RNFT2: variants seen among roughly 807,000 people sequenced by gnomAD.
RNFT2 encodes E3 ubiquitin-protein ligase RNFT2.
Under a neutral mutation model 53.0 loss-of-function variants are expected in RNFT2, and 36 were observed. That is an observed-to-expected ratio of 0.68 (90% confidence interval 0.52 to 0.90). The LOEUF is 0.90. Among genes scored for constraint, RNFT2 ranks in the 40% least tolerant of loss-of-function variants. The pLI, the probability that RNFT2 is intolerant of heterozygous loss-of-function variation, is 0.00. For missense variants in RNFT2, 514 were observed against 585.6 expected, an observed-to-expected ratio of 0.88 and a Z score of 1.26; for synonymous variants, 260 against 253.2, an observed-to-expected ratio of 1.03 and a Z score of -0.26.
At chr12:116,819,382 G>A (rs879642110) in intron 7 of RNFT2, among the ~76,000 whole-genome samples, 2 of 152,056 alleles carry the variant, frequency 1.3e-5, no homozygotes, top group Non-Finnish European at 2.9e-5. Context: ...CGGAGCCGGC[G>A]GCGCGCAGAG....
At chr12:116,754,343 A>T (rs1290332448) in intron 5 of RNFT2, among the ~76,000 whole-genome samples, 1 of 152,154 alleles carries the variant, frequency 6.6e-6, no homozygotes, top group Non-Finnish European at 1.5e-5. Context: ...GTATATATGT[A>T]TATACATATA....
intron 7 of RNFT2, among the ~76,000 whole-genome samples, chr12:116,794,486 T>C (rs1874392451): frequency 6.6e-6 from 1 of 150,676 alleles, no homozygotes; most frequent in South Asian, 2.1e-4. Context: ...CAATCCCAGC[T>C]ACGCGGGAGG....
intron 7 of RNFT2, among the ~76,000 whole-genome samples, chr12:116,816,870 A>G (rs1024662532): frequency 6.6e-6 from 1 of 152,236 alleles, no homozygotes; most frequent in Non-Finnish European, 1.5e-5. Flanking sequence ...TAAAAAGTAG[A>G]GAACTGCTAG....
chr12:116,849,878 C>T lies in RNFT2; in HGVS notation c.*430C>T, dbSNP rs1877829207. On this transcript the variant is annotated 3_prime_UTR_variant, in exon 11 of 11. Transcript: ENST00000257575. The stretch of plus-strand genomic sequence containing the variant: ...TTTTTTTTTAAAACAAGGTCTCGCT[C>T]TATCACCCAGGCTGGAGTGCAGTGG... 1.6e-5 allele frequency: 2 copies of T among 122,376 alleles called. No homozygotes were observed. The highest frequency in any genetic ancestry group is 4.6e-5 in the African/African-American group (1 of 21,550). The allele number at this position is 122,376 out of a possible 1,614,324, so 7.6% of individuals were successfully genotyped here.
In RNFT2 at chr12:116,849,418, C is replaced by T. The variant is rs775885886; in HGVS notation, c.1305C>T (p.Gly435=). ...ACACCCTGCGCTGCTGGAAGGACGG[C>T]GCCACGTCCGCACACTTCCAGGTGT... is the stretch of plus-strand genomic sequence containing the variant. ...AVDTLRCWKD[G]ATSAHFQVY The change falls in exon 11 of 11, where the codon GGC becomes GGT. Residue 435 remains glycine (G), a synonymous_variant. Transcript: ENST00000257575. The T allele has an allele frequency of 2.9e-5, 46 of 1,588,354 alleles. No homozygotes were observed. Among genetic ancestry groups the T allele is most frequent in the Non-Finnish European group, 3.0e-5 (35 of 1,171,164 alleles).
At chr12:116,761,114 G>A (rs10850710) in intron 5 of RNFT2, among the ~76,000 whole-genome samples, 9,555 of 151,964 alleles carry the variant, frequency 0.063, 808 homozygotes, top group African/African-American at 0.19. Context: ...GTCCCTTTAC[G>A]CCGCAGACAT....
intron 7 of RNFT2, among the ~76,000 whole-genome samples, chr12:116,810,825 TA>T (rs1406921078): frequency 6.6e-6 from 1 of 152,114 alleles, no homozygotes; most frequent in Non-Finnish European, 1.5e-5. Context: ...TCCATTGGGG[TA>T]GGGGGGACTA....
rs1875278285 is a variant in RNFT2, at chr12:116,809,779, TCTC to T, written c.883-24010_883-24008del. 2.0e-5 allele frequency among the ~76,000 whole-genome samples: 3 copies of T among 152,212 alleles called. No individual in the cohort carries two copies. In the South Asian group the frequency reaches 6.2e-4, roughly 32 times the overall value. On this transcript the variant is annotated intron_variant, in intron 7 of 10. Coordinates refer to ENST00000257575, the MANE Select transcript of RNFT2 (RefSeq NM_001382266.1). ...CCTCCACCTCCCGGGTTCAAGCTATTCTCCTGCCTCAGCCTCCTGAGTAGCTGG... is the reference window on the plus strand; with the variant it reads ...CCTCCACCTCCCGGGTTCAAGCTATTCTGCCTCAGCCTCCTGAGTAGCTGG...
At chr12:116,766,433 C>T in intron 5 of RNFT2, among the ~76,000 whole-genome samples, 1 of 152,084 alleles carries the variant, frequency 6.6e-6, no homozygotes, top group Non-Finnish European at 1.5e-5. Context: ...AAGGTAGATA[C>T]TAAGATATAC....
intron 7 of RNFT2, among the ~76,000 whole-genome samples, chr12:116,816,176 TA>T (rs1875654150): frequency 6.6e-6 from 1 of 152,184 alleles, no homozygotes; most frequent in African/African-American, 2.4e-5. Flanking sequence ...ATCAACATCT[TA>T]TAATTAGGCC....
At chr12:116,821,802 C>CTGTTTTTTTT (rs1876044144) in intron 7 of RNFT2, among the ~76,000 whole-genome samples, 1 of 43,926 alleles carries the variant, frequency 2.3e-5, no homozygotes, top group African/African-American at 1.0e-4. Context: ...CTACTTGTTT[C>CTGTTTTTTTT]TTTTTTTTTT....
rs1473340659 is a variant in RNFT2 at position 116,852,816 on chromosome 12, C to T, written c.*3368C>T. ...CTCCCTGTAGCCATCTCCAGGGTGA[C>T]GGAACCCAGTGTATTACCTGCTGGA... On this transcript the variant is annotated 3_prime_UTR_variant, in exon 11 of 11. Coordinates refer to ENST00000257575, the MANE Select transcript of RNFT2 (RefSeq NM_001382266.1). The T allele has an allele frequency of 8.8e-6, 10 of 1,133,110 alleles. No homozygotes were observed. Among genetic ancestry groups the T allele is most frequent in the African/African-American group, 7.6e-5 (5 of 65,502 alleles). The allele number at this position is 1,133,110 out of a possible 1,614,324, so 70.2% of individuals were successfully genotyped here. A position where few individuals can be genotyped will look rare whatever the true frequency, so the allele number is the denominator to read the frequency against.
At chr12:116,836,617 C>T (rs1355254364) in intron 10 of RNFT2, among the ~76,000 whole-genome samples, 1 of 152,106 alleles carries the variant, frequency 6.6e-6, no homozygotes, top group Non-Finnish European at 1.5e-5. Context: ...CTTGGTTTTT[C>T]TCATGTCTAA....
chr12:116,832,148 A>ATAT (rs56674314), intron 7 of RNFT2, among the ~76,000 whole-genome samples: 8,369 of 55,264 alleles, frequency 0.15, 867 homozygotes, highest in Admixed American at 0.23. Context: ...AAAAAAAAAA[A>ATAT]ATATATATAT....
intron 7 of RNFT2, among the ~76,000 whole-genome samples, chr12:116,833,294 A>G (rs1876778602): frequency 1.3e-5 from 2 of 152,132 alleles, no homozygotes; most frequent in South Asian, 4.1e-4. Context: ...TAGGAAGGAC[A>G]CGTATCTCCC....
intron 7 of RNFT2, among the ~76,000 whole-genome samples, chr12:116,818,942 A>C (rs1468760205): frequency 1.3e-5 from 2 of 152,210 alleles, no homozygotes; most frequent in Non-Finnish European, 2.9e-5. Flanking sequence ...TTTGGGGTAC[A>C]GGTAAGGAGA....
intron 7 of RNFT2, among the ~76,000 whole-genome samples, chr12:116,818,547 T>A (rs1295830227): frequency 6.6e-6 from 1 of 152,180 alleles, no homozygotes; most frequent in African/African-American, 2.4e-5. Flanking sequence ...AATCTGCTGC[T>A]GGCAAGTGAG....
At position 116,743,237 on chromosome 12, in the gene RNFT2, AAAAAAAAC is replaced by A. The variant is rs1329087183; in HGVS notation, c.83+2144_83+2151del. ...CTAAAAAAAAAAAAAAAAAAAAAAA[AAAAAAAAC>A]CGGTTAAAAAACACTCATGAGCTAG... On this transcript the variant is annotated intron_variant, in intron 3 of 10. Transcript: ENST00000257575. Among the ~76,000 whole-genome samples the A allele has an allele frequency of 4.6e-3, 520 of 113,154 alleles. 82 individuals carry two copies. The highest frequency in any genetic ancestry group is 0.012 in the African/African-American group (387 of 32,066). The allele number at this position is 113,154 out of a possible 152,430, so 74.2% of individuals were successfully genotyped here. A position where few individuals can be genotyped will look rare whatever the true frequency, so the allele number is the denominator to read the frequency against.
chr12:116,838,330 C>T (rs1184831605), intron 10 of RNFT2, among the ~76,000 whole-genome samples: 1 of 152,222 alleles, frequency 6.6e-6, no homozygotes, highest in African/African-American at 2.4e-5. Flanking sequence ...GCTCCTGGCA[C>T]GTGGTCAGGG....
Sources: gnomAD v4.1 joint callset for allele counts (sites outside exome capture counted in the v4.1 genomes callset) on GRCh38, gnomAD v4.1.1 for gene constraint, MANE v1.5 for transcripts, NCBI Gene and HGNC (gene_info 2026-07-23, HGNC 2026-07-21) for gene names.